Variants in FOXN3 observed in about 807,000 individuals in gnomAD.
FOXN3 encodes forkhead box protein N3.
FOXN3 carries 7 observed loss-of-function variants against 38.4 expected under a neutral mutation model. The ratio of observed to expected loss-of-function variants is 0.18; its 90% CI spans 0.10 to 0.34. The LOEUF (loss-of-function observed/expected upper bound fraction) is 0.34. FOXN3 is among the 10% of genes least tolerant of loss of function. The pLI is 1.00. For synonymous variants in FOXN3, 230 were observed against 242.2 expected (o/e 0.95, Z 0.47); for missense variants, 456 against 613.4 (o/e 0.74, Z 2.71).
At chr14:89,432,559 C>T (rs1038024549) in intron 1 of FOXN3, among the ~76,000 whole-genome samples, 1 of 152,146 alleles carries the variant, frequency 6.6e-6, no homozygotes, top group Non-Finnish European at 1.5e-5. Context: ...CAGATGAGGA[C>T]ACCAAGGCTT....
At chr14:89,176,355 T>G (rs573652136) in intron 5 of FOXN3, among the ~76,000 whole-genome samples, 42 of 147,284 alleles carry the variant, frequency 2.9e-4, no homozygotes, top group Non-Finnish European at 5.4e-4. Flanking sequence ...TTTGCCACTC[T>G]GTGGAGGAAA....
chr14:89,295,762 A>ATTTTTTTTTTTTTTTTTT (rs1032063820), intron 3 of FOXN3, among the ~76,000 whole-genome samples: 3 of 123,224 alleles, frequency 2.4e-5, no homozygotes, highest in Non-Finnish European at 3.4e-5. Flanking sequence ...TAATTTTTGC[A>ATTTTTTTTTTTTTTTTTT]TTTTTTTTTT....
In FOXN3 at chr14:89,195,944, G is replaced by C. The variant is rs142648358; in HGVS notation, c.746-15138C>G. On this transcript the variant is annotated intron_variant, in intron 4 of 5. Transcript: ENST00000557258. ...CACCAAGCATGCTGTCATGGGTGCT[G>C]AATAGAGTTATGACCAACCATCATC... Among the ~76,000 whole-genome samples the C allele has an allele frequency of 3.3e-5, 5 of 152,186 alleles. No homozygotes were observed. The East Asian group carries it at 9.7e-4, about 29-fold the overall frequency.
chr14:89,360,614 G>A (rs1396003752), intron 2 of FOXN3, among the ~76,000 whole-genome samples: 2 of 151,412 alleles, frequency 1.3e-5, no homozygotes, highest in Admixed American at 6.6e-5. Context: ...AGGAGGGAAG[G>A]AGGGAAGGAA....
chr14:89,297,429 G>A (rs576909093), intron 3 of FOXN3, among the ~76,000 whole-genome samples: 70 of 152,028 alleles, frequency 4.6e-4, no homozygotes, highest in Non-Finnish European at 5.1e-4. Flanking sequence ...GCGTGGTGGC[G>A]GGCGCCTGTA....
intron 3 of FOXN3, chr14:89,290,212 C>A: frequency 7.1e-6 from 2 of 279,866 alleles, no homozygotes; most frequent in East Asian, 1.0e-4. Flanking sequence ...CACTGACCAA[C>A]TTGGATCCAT....
chr14:89,518,187 C>G (rs1346966277), intron 1 of FOXN3, among the ~76,000 whole-genome samples: 1 of 152,228 alleles, frequency 6.6e-6, no homozygotes, highest in African/African-American at 2.4e-5. Context: ...CCCTCTCCCC[C>G]TGAAGGTTCC....
At chr14:89,192,534 A>C (rs1011513130) in intron 4 of FOXN3, among the ~76,000 whole-genome samples, 3 of 122,914 alleles carry the variant, frequency 2.4e-5, no homozygotes, top group African/African-American at 9.9e-5. Flanking sequence ...TAATAGTTGT[A>C]TATAACTTTA....
chr14:89,552,430 C>G (rs748580309), intron 1 of FOXN3, among the ~76,000 whole-genome samples: 1 of 152,104 alleles, frequency 6.6e-6, no homozygotes, highest in Non-Finnish European at 1.5e-5. Flanking sequence ...GATTTTAGTT[C>G]GCAATAGAAG....
rs190100213 is a variant in FOXN3 at position 89,254,089 on chromosome 14, C to G, written c.745+26861G>C. 2.8e-3 allele frequency among the ~76,000 whole-genome samples: 423 copies of G among 152,302 alleles called. 2 individuals are homozygous for G. The highest frequency in any genetic ancestry group is 9.9e-3 in the African/African-American group (410 of 41,554). ...GCTGTGTCACATACTAACAACATGA[C>G]ATGGAGCAGGTACTTGCCCCTGTGA... On this transcript the variant is annotated intron_variant, in intron 4 of 5. Transcript: ENST00000557258.
chr14:89,551,879 G>C (rs1047003536), intron 1 of FOXN3, among the ~76,000 whole-genome samples: 2 of 152,134 alleles, frequency 1.3e-5, no homozygotes, highest in Admixed American at 1.3e-4. Flanking sequence ...TCCCAGAGCT[G>C]TTTGGTCTGT....
Position 89,233,871 on chromosome 14 carries a change from C to T in FOXN3, c.745+47079G>A, listed in dbSNP as rs367935467. Among the ~76,000 whole-genome samples, 7 of 152,328 alleles carry T rather than the reference C, an allele frequency of 4.6e-5. No individual in the cohort carries two copies. The East Asian group carries it at 7.7e-4, about 17-fold the overall frequency. On this transcript the variant is annotated intron_variant, in intron 4 of 5. Coordinates refer to ENST00000557258, the MANE Select transcript of FOXN3 (RefSeq NM_005197.4). Reference sequence around the variant, plus strand: ...AAGGCCTTTGGCCTAAACCCCATGACGCCAGTCTAGGTCCCTATTTTCTAA... The same window carrying T: ...AAGGCCTTTGGCCTAAACCCCATGATGCCAGTCTAGGTCCCTATTTTCTAA...
At chr14:89,589,288 T>C (rs1895906236) in intron 1 of FOXN3, among the ~76,000 whole-genome samples, 1 of 152,136 alleles carries the variant, frequency 6.6e-6, no homozygotes, top group Non-Finnish European at 1.5e-5. Context: ...TACCCAGACT[T>C]ACAAAAGCAT....
rs539835955 is a variant in FOXN3, at chr14:89,551,570, G to T, written c.-15+67458C>A. Among the ~76,000 whole-genome samples the T allele has an allele frequency of 2.4e-4, 37 of 152,204 alleles. No homozygotes were observed. The South Asian group carries it at 7.7e-3, about 32-fold the overall frequency. On this transcript the variant is annotated intron_variant, in intron 1 of 6. Coordinates refer to the FOXN3 transcript ENST00000345097. ...GGTATCTTTTCCCATGAGAAGCCAG[G>T]AAAGGAGAGGGCCATGTGCCAGCTG...
chr14:89,562,032 A>T (rs572379743), intron 1 of FOXN3, among the ~76,000 whole-genome samples: 6 of 152,340 alleles, frequency 3.9e-5, no homozygotes, highest in African/African-American at 1.4e-4. Context: ...CACAGAGAAA[A>T]TAGGGATGGG....
intron 2 of FOXN3, among the ~76,000 whole-genome samples, chr14:89,377,369 C>G (rs192013076): frequency 6.6e-6 from 1 of 151,874 alleles, no homozygotes; most frequent in East Asian, 1.9e-4. Flanking sequence ...CTGGAGAAAT[C>G]TGAATATGGA....
chr14:89,194,145 T>C (rs1400865452), intron 4 of FOXN3, among the ~76,000 whole-genome samples: 2 of 152,206 alleles, frequency 1.3e-5, no homozygotes, highest in African/African-American at 4.8e-5. Context: ...TTCAGTTTCT[T>C]AAGAGTGTCT....
rs142563827 is a variant in FOXN3, at chr14:89,499,981, C to T, written c.-14-87491G>A. Among the ~76,000 whole-genome samples, 409 of 152,202 alleles carry T rather than the reference C, an allele frequency of 2.7e-3. 1 individual carries two copies. The highest frequency in any genetic ancestry group is 7.7e-3 in the African/African-American group (318 of 41,504). ...TCTCCTGCCTCAGCCTCTTGAGTAG[C>T]TGGAATTTCAGGCACCCACCACCAT... On this transcript the variant is annotated intron_variant, in intron 1 of 6. Coordinates refer to the FOXN3 transcript ENST00000345097.
chr14:89,231,752 T>A (rs1313221909), intron 4 of FOXN3, among the ~76,000 whole-genome samples: 2 of 152,126 alleles, frequency 1.3e-5, no homozygotes, highest in Non-Finnish European at 2.9e-5. Flanking sequence ...CCTGCCTACC[T>A]TGCGGTGCCT....
Sources: gnomAD v4.1 joint callset for allele counts (sites outside exome capture counted in the v4.1 genomes callset) on GRCh38, gnomAD v4.1.1 for gene constraint, MANE v1.5 for transcripts, NCBI Gene and HGNC (gene_info 2026-07-23, HGNC 2026-07-21) for gene names.